Variants in STARD9 observed in about 807,000 individuals in gnomAD.
STARD9 encodes stAR-related lipid transfer protein 9.
Under a neutral mutation model 399.8 loss-of-function variants are expected in STARD9, and 346 were observed. The ratio of observed to expected loss-of-function variants is 0.87; its 90% CI spans 0.79 to 0.95. The LOEUF (loss-of-function observed/expected upper bound fraction) is 0.95. Ranked by LOEUF, STARD9 falls within the 40% of genes least tolerant of loss-of-function variation. The probability of loss-of-function intolerance (pLI) is 0.00; values close to 1 mark genes in which losing one functional copy is unlikely to be tolerated. For missense variants in STARD9, 5,832 were observed against 5,667.5 expected, an observed-to-expected ratio of 1.03 and a Z score of -0.93; for synonymous variants, 2,203 against 2,143.5, an observed-to-expected ratio of 1.03 and a Z score of -0.77.
chr15:42,651,131 T>C, intron 8 of STARD9, 46 bp downstream of exon 8: 6 of 1,335,096 alleles, frequency 4.5e-6, no homozygotes, highest in Non-Finnish European at 5.2e-6. Flanking sequence ...CTCACACTCC[T>C]ATCCTGTGTT....
rs1419344144 is a variant in STARD9, at chr15:42,694,355, A to C, written c.12764+13A>C. 3 of 1,533,330 alleles carry C rather than the reference A, an allele frequency of 2.0e-6. No individual in the cohort carries two copies. The highest frequency in any genetic ancestry group is 2.6e-6 in the Non-Finnish European group (3 of 1,144,648). 95.0% of individuals were successfully genotyped at this position (1,533,330 alleles called of 1,614,324 possible). On this transcript the variant is annotated intron_variant, in intron 23 of 32. Coordinates refer to ENST00000290607, the MANE Select transcript of STARD9 (RefSeq NM_020759.3). ...AGCTCTATGCACGGTAAGGACCCCC[A>C]GCCTGGAGTCGGGAGGGGAAGGGGT...
At chr15:42,665,173 C>T in intron 13 of STARD9, 80 bp from the exon 14 acceptor site, 4 of 1,157,734 alleles carry the variant, frequency 3.5e-6, no homozygotes, top group South Asian at 2.7e-5. Context: ...TCTACCTCTT[C>T]CCAGCCAATT....
intron 7 of STARD9, among the ~76,000 whole-genome samples, chr15:42,643,921 AT>A (rs1334376725): frequency 2.0e-5 from 3 of 152,070 alleles, no homozygotes; most frequent in Non-Finnish European, 4.4e-5. Flanking sequence ...GTGTTTCTTT[AT>A]TTTTTAACAC....
chr15:42,610,557 T>TC lies in STARD9; in HGVS notation c.235-24298dup, dbSNP rs564154487. Among the ~76,000 whole-genome samples, 26 of 152,312 alleles carry TC rather than the reference T, an allele frequency of 1.7e-4. No homozygotes were observed. The East Asian group carries it at 5.0e-3, about 29-fold the overall frequency. On this transcript the variant is annotated intron_variant, in intron 3 of 32. Transcript: ENST00000290607. ...TTATACTTTCTTTTTCTTCTTCTTT[T>TC]CTTTTTTTAAGACAGAGTCTCACTC...
chr15:42,616,579 C>T (rs1465276553), intron 3 of STARD9, among the ~76,000 whole-genome samples: 1 of 152,076 alleles, frequency 6.6e-6, no homozygotes, highest in Admixed American at 6.6e-5. Flanking sequence ...AGCTGTGTGC[C>T]TTCATTTTTC....
rs115422270 is a variant in STARD9 at position 42,579,401 on chromosome 15, G to C, written c.47+3639G>C. Among the ~76,000 whole-genome samples the C allele has an allele frequency of 4.9e-3, 740 of 152,274 alleles. 10 individuals carry two copies. The highest frequency in any genetic ancestry group is 0.017 in the African/African-American group (711 of 41,556). ...ACACTGGAAGATGTTTAATTAAAAA[G>C]TTGCTGTTCAAAATGGTACTGAAAA... On this transcript the variant is annotated intron_variant, in intron 1 of 32. Transcript: ENST00000290607.
chr15:42,718,196 A>C lies in STARD9; in HGVS notation c.13762+17A>C. 6.5e-7 allele frequency: 1 copy of C among 1,532,322 alleles called. No individual in the cohort carries two copies. Among genetic ancestry groups the C allele is most frequent in the South Asian group, 1.2e-5 (1 of 83,950 alleles). The allele number at this position is 1,532,322 out of a possible 1,614,324, so 94.9% of individuals were successfully genotyped here. A position where few individuals can be genotyped will look rare whatever the true frequency, so the allele number is the denominator to read the frequency against. ...TCAGCCTGGGTGAGCCCAGGGAAGG[A>C]AGGCTTCCATGGGGCCTAGTTTCTG... On this transcript the variant is annotated intron_variant, in intron 30 of 32. Coordinates refer to ENST00000290607, the MANE Select transcript of STARD9 (RefSeq NM_020759.3).
rs1477257826 is a variant in STARD9, at chr15:42,663,393, C to G, written c.981C>G (p.Pro327=). Reference sequence around the variant, plus strand: ...CTGGGACCAGCAGTGGAGGGGCACCCTCCCGAAGGCAGTCTTATATCCCAT... The same window carrying G: ...CTGGGACCAGCAGTGGAGGGGCACCGTCCCGAAGGCAGTCTTATATCCCAT... ...SPSGTSSGGA[P]SRRQSYIPYR... The change falls in exon 12 of 33, where the codon CCC becomes CCG. Residue 327 remains proline, a synonymous_variant. Transcript: ENST00000290607. The G allele has an allele frequency of 6.5e-7, 1 of 1,537,302 alleles. No individual in the cohort carries two copies. Among genetic ancestry groups the G allele is most frequent in the Non-Finnish European group, 8.7e-7 (1 of 1,146,920 alleles).
chr15:42,645,994 C>G (rs1414885238), intron 7 of STARD9, among the ~76,000 whole-genome samples: 2 of 151,946 alleles, frequency 1.3e-5, no homozygotes, highest in African/African-American at 4.8e-5. Context: ...ACCCCCATAT[C>G]TACTAAAAAT....
chr15:42,638,857 G>C, intron 7 of STARD9, 45 bp downstream of exon 7: 1 of 1,185,406 alleles, frequency 8.4e-7, no homozygotes, highest in Non-Finnish European at 1.2e-6. Flanking sequence ...ACTGAAGCCT[G>C]GGAAGCTCTC....
chr15:42,640,317 A>T lies in STARD9; in HGVS notation c.559+1505A>T, dbSNP rs150746990. ...ATGGCAAATGGATGACGCAATAGGT[A>T]TGCTAGTGACTGATTCTGCTACCTA... is the stretch of plus-strand genomic sequence containing the variant. On this transcript the variant is annotated intron_variant, in intron 7 of 32. Transcript: ENST00000290607. Among the ~76,000 whole-genome samples the T allele has an allele frequency of 2.5e-3, 379 of 152,300 alleles. 1 individual carries two copies. In the Middle Eastern group the frequency reaches 0.034, roughly 14 times the overall value.
intron 24 of STARD9, 130 bp from the exon 25 acceptor site, chr15:42,695,010 C>T: frequency 1.1e-6 from 1 of 872,134 alleles, no homozygotes; most frequent in Non-Finnish European, 1.7e-6. Flanking sequence ...AAAAATCATA[C>T]TTTAAAACCC....
chr15:42,644,177 C>T (rs565169604), intron 7 of STARD9, among the ~76,000 whole-genome samples: 30 of 152,292 alleles, frequency 2.0e-4, no homozygotes, highest in Admixed American at 1.2e-3. Context: ...TTATTAAGTA[C>T]GAAGTAGCAT....
At chr15:42,648,507 T>C (rs890905159) in intron 7 of STARD9, among the ~76,000 whole-genome samples, 6 of 152,226 alleles carry the variant, frequency 3.9e-5, no homozygotes, top group Non-Finnish European at 8.8e-5. Flanking sequence ...GTACAGAATT[T>C]TAAATTGATG....
At chr15:42,684,020 A>G in intron 22 of STARD9, 96 bp from the exon 23 acceptor site, 1 of 1,338,980 alleles carries the variant, frequency 7.5e-7, no homozygotes, top group Non-Finnish European at 1.0e-6. Context: ...TGAAGTCTAT[A>G]GGAGACAGTG....
intron 26 of STARD9, among the ~76,000 whole-genome samples, chr15:42,697,992 A>G (rs1228721047): frequency 2.0e-5 from 3 of 152,216 alleles, no homozygotes; most frequent in South Asian, 4.1e-4. Flanking sequence ...CTTTATGCAT[A>G]CAAAATAAAG....
intron 26 of STARD9, among the ~76,000 whole-genome samples, chr15:42,712,720 C>A (rs752719415): frequency 4.6e-5 from 7 of 152,140 alleles, no homozygotes; most frequent in African/African-American, 1.7e-4. Context: ...GTGTGTGTGA[C>A]AGGGTCTCGC....
At position 42,719,617 on chromosome 15, in the gene STARD9, C is replaced by A; in HGVS notation, c.*43C>A. 7.7e-7 allele frequency: 1 copy of A among 1,296,636 alleles called. No individual in the cohort carries two copies. The highest frequency in any genetic ancestry group is 2.0e-5 in the Admixed American group (1 of 49,784). 80.3% of individuals were successfully genotyped at this position (1,296,636 alleles called of 1,614,324 possible). A position where few individuals can be genotyped will look rare whatever the true frequency, so the allele number is the denominator to read the frequency against. On this transcript the variant is annotated 3_prime_UTR_variant, in exon 33 of 33. Coordinates refer to ENST00000290607, the MANE Select transcript of STARD9 (RefSeq NM_020759.3). ...GGTGCTGCTGAGATGCAGGCCCAGG[C>A]TGCTCAAGAGAGACACTGTGGCAGC...
chr15:42,702,796 T>C (rs1269350877), intron 26 of STARD9, among the ~76,000 whole-genome samples: 5 of 152,366 alleles, frequency 3.3e-5, no homozygotes, highest in Admixed American at 6.5e-5. Context: ...AAGGATAGTT[T>C]TACTGGATGA....
Sources: gnomAD v4.1 joint callset for allele counts (sites outside exome capture counted in the v4.1 genomes callset) on GRCh38, gnomAD v4.1.1 for gene constraint, MANE v1.5 for transcripts, NCBI Gene and HGNC (gene_info 2026-07-23, HGNC 2026-07-21) for gene names.